The following SMIM36 variants were observed in gnomAD, a reference collection of about 807,000 sequenced individuals.
SMIM36 encodes the protein small integral membrane protein 36.
intron 4 of SMIM36, among the ~76,000 whole-genome samples, chr17:55,453,608 A>G (rs937897451): frequency 4.6e-5 from 7 of 152,236 alleles, no homozygotes; most frequent in Non-Finnish European, 8.8e-5. Context: ...TGGTGTACAT[A>G]GAGTGGATTC....
intron 3 of SMIM36, among the ~76,000 whole-genome samples, chr17:55,469,309 T>C (rs1909301221): frequency 6.6e-6 from 1 of 152,198 alleles, no homozygotes; most frequent in African/African-American, 2.4e-5. Context: ...GCTGAAGGCA[T>C]AGTCAAGGTT....
intron 4 of SMIM36, among the ~76,000 whole-genome samples, chr17:55,453,215 A>T (rs989550347): frequency 6.6e-6 from 1 of 151,984 alleles, no homozygotes; most frequent in Non-Finnish European, 1.5e-5. Context: ...CACTTGCAAG[A>T]CTGAGGCGGG....
intron 4 of SMIM36, among the ~76,000 whole-genome samples, chr17:55,466,382 T>C (rs1909238892): frequency 6.6e-6 from 1 of 151,098 alleles, no homozygotes; most frequent in African/African-American, 2.4e-5. Context: ...CTGGTTTGAA[T>C]GAGAAGTTAG....
At chr17:55,466,346 G>T (rs979594748) in intron 4 of SMIM36, among the ~76,000 whole-genome samples, 2 of 151,736 alleles carry the variant, frequency 1.3e-5, no homozygotes, top group African/African-American at 4.8e-5. Context: ...TAGAAGGGAG[G>T]CTTCAAGTTT....
intron 3 of SMIM36, among the ~76,000 whole-genome samples, chr17:55,470,669 G>T (rs1186526080): frequency 6.6e-6 from 1 of 151,988 alleles, no homozygotes; most frequent in African/African-American, 2.4e-5. Flanking sequence ...CCACATTGCT[G>T]CCCTTTTCCC....
upstream of SMIM36, among the ~76,000 whole-genome samples, chr17:55,513,630 T>C (rs1047079763): frequency 6.6e-6 from 1 of 152,220 alleles, no homozygotes; most frequent in African/African-American, 2.4e-5. Context: ...GTGACTTCTA[T>C]AGTAAACTGA....
At chr17:55,513,292 G>A (rs780989517), upstream of SMIM36, among the ~76,000 whole-genome samples, 1 of 152,126 alleles carries the variant, frequency 6.6e-6, no homozygotes, top group African/African-American at 2.4e-5. Context: ...GCCAATATGC[G>A]GTCACCAGGG....
At chr17:55,521,590 T>A in the SMIM36 span, among the ~76,000 whole-genome samples, 1 of 152,234 alleles carries the variant, frequency 6.6e-6, no homozygotes, top group African/African-American at 2.4e-5. Flanking sequence ...GTTTCCTATG[T>A]AGGATTTATA....
intron 4 of SMIM36, among the ~76,000 whole-genome samples, chr17:55,466,328 C>T (rs946892309): frequency 2.1e-5 from 3 of 144,884 alleles, no homozygotes; most frequent in African/African-American, 5.2e-5. Flanking sequence ...ATTTTGGAGT[C>T]ATTTGGTTAG....
intron 1 of SMIM36, among the ~76,000 whole-genome samples, chr17:55,507,545 A>G (rs1287867197): frequency 1.9e-5 from 2 of 107,600 alleles, no homozygotes; most frequent in African/African-American, 7.4e-5. Context: ...ACATGGACAC[A>G]GGAAGGGGAA....
chr17:55,494,752 T>G (rs945811205), intron 1 of SMIM36, among the ~76,000 whole-genome samples: 1 of 152,004 alleles, frequency 6.6e-6, no homozygotes, highest in Non-Finnish European at 1.5e-5. Flanking sequence ...AATATAAGTA[T>G]AGATAAGTGT....
In SMIM36 at chr17:55,465,574, T is replaced by C. The variant is rs542257539; in HGVS notation, c.*531+1571A>G. ...ATGCATATGACAGAATTAGGTCAAATAGTGGGATATGCAGAGAAGATGACA... is the reference window on the plus strand; with the variant it reads ...ATGCATATGACAGAATTAGGTCAAACAGTGGGATATGCAGAGAAGATGACA... On this transcript the variant is annotated intron_variant, in intron 4 of 4. Coordinates refer to ENST00000636752, the Ensembl canonical transcript of SMIM36. Among the ~76,000 whole-genome samples, 8 of 152,282 alleles carry C rather than the reference T, an allele frequency of 5.3e-5. No homozygotes were observed. In the South Asian group the frequency reaches 1.5e-3, roughly 28 times the overall value.
chr17:55,523,798 T>C, the SMIM36 span, among the ~76,000 whole-genome samples: 2 of 152,218 alleles, frequency 1.3e-5, no homozygotes, highest in Non-Finnish European at 1.5e-5. Flanking sequence ...GCTCTATTTA[T>C]ATGAAGCCGA....
chr17:55,469,835 G>A (rs989342436), intron 3 of SMIM36, among the ~76,000 whole-genome samples: 19 of 152,090 alleles, frequency 1.2e-4, no homozygotes, highest in Admixed American at 2.0e-4. Flanking sequence ...AAAATTAGCC[G>A]GGCATGGTGG....
upstream of SMIM36, among the ~76,000 whole-genome samples, chr17:55,515,086 GTTTTTTTTTTTTTT>G (rs1158864125): frequency 2.2e-4 from 12 of 54,086 alleles, no homozygotes; most frequent in Admixed American, 2.0e-3. Context: ...CTAGTCTAGT[GTTTTTTTTTTTTTT>G]TTTTTTTTTT....
chr17:55,509,806 A>T (rs1006766891), intron 1 of SMIM36, among the ~76,000 whole-genome samples: 7 of 152,190 alleles, frequency 4.6e-5, no homozygotes, highest in African/African-American at 1.7e-4. Context: ...TTGGAAATAG[A>T]CTAATGAACA....
chr17:55,525,320 A>AATTGATTG, the SMIM36 span, among the ~76,000 whole-genome samples: 1 of 152,136 alleles, frequency 6.6e-6, no homozygotes. Flanking sequence ...CTCATTGATT[A>AATTGATTG]ATTGATTGAT....
At chr17:55,459,008 C>T (rs1250915374) in intron 4 of SMIM36, among the ~76,000 whole-genome samples, 1 of 152,186 alleles carries the variant, frequency 6.6e-6, no homozygotes, top group African/African-American at 2.4e-5. Flanking sequence ...AAACTGAGAG[C>T]ACCCTGTAAC....
the SMIM36 span, among the ~76,000 whole-genome samples, chr17:55,520,027 A>G: frequency 7.9e-5 from 12 of 152,300 alleles, no homozygotes; most frequent in East Asian, 2.3e-3. Context: ...GGTGTTGGTG[A>G]GGCTGTACTC....
Sources: allele counts gnomAD v4.1 joint callset (sites outside exome capture counted in the v4.1 genomes callset), GRCh38; gene constraint gnomAD v4.1.1; transcripts MANE v1.5; gene names NCBI Gene and HGNC (gene_info 2026-07-23, HGNC 2026-07-21).